Variants in RAB33B observed in about 807,000 individuals in gnomAD.
The protein encoded by RAB33B is ras-related protein Rab-33B.
In RAB33B, 6 loss-of-function variants were observed where a neutral mutation model predicts 15.0. The ratio of observed to expected loss-of-function variants is 0.40; its 90% CI spans 0.22 to 0.79. RAB33B has a LOEUF of 0.79. Ranked by LOEUF, RAB33B falls within the 30% of genes least tolerant of loss-of-function variation. The probability of loss-of-function intolerance (pLI) is 0.37; values close to 1 mark genes in which losing one functional copy is unlikely to be tolerated. For synonymous variants in RAB33B, 117 were observed against 108.3 expected, an observed-to-expected ratio of 1.08 and a Z score of -0.50; for missense variants, 257 against 296.4, an observed-to-expected ratio of 0.87 and a Z score of 0.98.
intron 1 of RAB33B, among the ~76,000 whole-genome samples, chr4:139,466,769 G>A (rs192633138): frequency 1.7e-3 from 252 of 151,680 alleles, no homozygotes; most frequent in African/African-American, 5.0e-3. Flanking sequence ...TGGTAGAGAC[G>A]GGGTTTTGCC....
chr4:139,440,961 A>G, the RAB33B span, among the ~76,000 whole-genome samples: 3 of 152,126 alleles, frequency 2.0e-5, no homozygotes, highest in Non-Finnish European at 2.9e-5. Context: ...TTTGGGTCAC[A>G]ATGCTATAGA....
chr4:139,467,782 C>T (rs1404603297), intron 1 of RAB33B, among the ~76,000 whole-genome samples: 1 of 151,242 alleles, frequency 6.6e-6, no homozygotes, highest in East Asian at 1.9e-4. Flanking sequence ...TCCTTGAGCC[C>T]AGGAGGTTGA....
chr4:139,467,408 T>TTTAAAAAAATTTTTTTAA (rs1750311015), intron 1 of RAB33B, among the ~76,000 whole-genome samples: 1 of 147,900 alleles, frequency 6.8e-6, no homozygotes, highest in African/African-American at 2.5e-5. Flanking sequence ...GAACAACATT[T>TTTAAAAAAATTTTTTTAA]TGATTTTTTT....
intron 1 of RAB33B, among the ~76,000 whole-genome samples, chr4:139,461,762 T>A (rs1750175152): frequency 1.3e-5 from 2 of 152,058 alleles, no homozygotes. Context: ...TATTCTGTAA[T>A]TAAATCCTTT....
At chr4:139,460,827 T>C (rs909247100) in intron 1 of RAB33B, among the ~76,000 whole-genome samples, 3 of 152,194 alleles carry the variant, frequency 2.0e-5, no homozygotes, top group Non-Finnish European at 2.9e-5. Context: ...GTAATATACA[T>C]TTTCACAGAC....
At chr4:139,461,039 G>C (rs957788612) in intron 1 of RAB33B, among the ~76,000 whole-genome samples, 4 of 152,196 alleles carry the variant, frequency 2.6e-5, no homozygotes, top group African/African-American at 9.7e-5. Context: ...TCTTGCTTTG[G>C]AGACTGTGTG....
chr4:139,453,881 A>T, upstream of RAB33B: 2 of 229,310 alleles, frequency 8.7e-6, no homozygotes, highest in East Asian at 9.7e-5. Context: ...GCCTCTCTGC[A>T]GGCTGGCCTT....
chr4:139,470,821 A>G (rs1029959465), intron 1 of RAB33B, among the ~76,000 whole-genome samples: 1 of 151,914 alleles, frequency 6.6e-6, no homozygotes, highest in Non-Finnish European at 1.5e-5. Flanking sequence ...GTATCTAGAA[A>G]TGTCGTCTAG....
At position 139,473,096 on chromosome 4, in the gene RAB33B, A is replaced by G; in HGVS notation, c.660A>G (p.Glu220=). Reference sequence around the variant, plus strand: ...ATAATGGAATTATCCTGAAGCCTGAACCAAAGCCTGCAATGACGTGCTGGT... The same window carrying G: ...ATAATGGAATTATCCTGAAGCCTGAGCCAAAGCCTGCAATGACGTGCTGGT... ...PPDNGIILKP[E]PKPAMTCWC is the part of the protein sequence containing the mutation. The change falls in exon 2 of 2, where the codon GAA becomes GAG. Residue 220 remains glutamate, a synonymous_variant. Transcript: ENST00000305626. The G allele has an allele frequency of 6.2e-7, 1 of 1,607,840 alleles. No homozygotes were observed. The highest frequency in any genetic ancestry group is 2.2e-5 in the East Asian group (1 of 44,780).
In RAB33B at chr4:139,467,308, CTTTTTTTTTTTTTTTTT is replaced by C. The variant is rs70943422; in HGVS notation, c.250-5365_250-5349del. 2.3e-4 allele frequency among the ~76,000 whole-genome samples: 4 copies of C among 17,606 alleles called. No individual in the cohort carries two copies. The East Asian group carries it at 8.9e-3, about 39-fold the overall frequency. The allele number at this position is 17,606 out of a possible 152,430, so 11.6% of individuals were successfully genotyped here. A position where few individuals can be genotyped will look rare whatever the true frequency, so the allele number is the denominator to read the frequency against. On this transcript the variant is annotated intron_variant, in intron 1 of 1. Transcript: ENST00000305626. ...TCTTTCCCCACCACGCCCCCCGCCG[CTTTTTTTTTTTTTTTTT>C]TTTTTTTTTTTTAAGAGACAGGGTT...
the RAB33B span, among the ~76,000 whole-genome samples, chr4:139,439,284 G>C: frequency 2.3e-4 from 35 of 152,198 alleles, no homozygotes; most frequent in African/African-American, 8.4e-4. Flanking sequence ...ACAGGCGTGA[G>C]CCACTGTGCC....
At chr4:139,467,161 G>T (rs1750303521) in intron 1 of RAB33B, among the ~76,000 whole-genome samples, 1 of 150,236 alleles carries the variant, frequency 6.7e-6, no homozygotes, top group South Asian at 2.1e-4. Context: ...TAGAGATGGG[G>T]TTTCACCATG....
At chr4:139,438,697 A>G in the RAB33B span, among the ~76,000 whole-genome samples, 4 of 152,228 alleles carry the variant, frequency 2.6e-5, no homozygotes, top group Non-Finnish European at 5.9e-5. Flanking sequence ...CAAAGTTACA[A>G]TAACACTAGC....
intron 1 of RAB33B, among the ~76,000 whole-genome samples, chr4:139,464,272 C>T (rs189177681): frequency 3.3e-5 from 5 of 151,524 alleles, no homozygotes; most frequent in Non-Finnish European, 7.4e-5. Context: ...AGTGAGACCC[C>T]GTCTCAAAAA....
chr4:139,441,614 A>G, the RAB33B span, among the ~76,000 whole-genome samples: 48 of 152,368 alleles, frequency 3.2e-4, no homozygotes, highest in South Asian at 3.5e-3. Context: ...AGATAAATCC[A>G]TCACAAGCTG....
In RAB33B at chr4:139,457,838, A is replaced by T. The variant is rs61382543; in HGVS notation, c.249+3394A>T. Among the ~76,000 whole-genome samples, 798 of 152,318 alleles carry T rather than the reference A, an allele frequency of 5.2e-3. 6 individuals are homozygous for T. The highest frequency in any genetic ancestry group is 0.017 in the African/African-American group (688 of 41,586). On this transcript the variant is annotated intron_variant, in intron 1 of 1. Coordinates refer to ENST00000305626, the MANE Select transcript of RAB33B (RefSeq NM_031296.3). ...GAAATTCAAAATTCACCTAGGTTGT[A>T]CTACTTTAATCCTTCTTATCCTTGT...
At chr4:139,466,961 CT>C (rs35504904) in intron 1 of RAB33B, among the ~76,000 whole-genome samples, 8,584 of 68,204 alleles carry the variant, frequency 0.13, 144 homozygotes, top group East Asian at 0.27. Context: ...GAAGCACAAA[CT>C]TTTTTTTTTT....
At chr4:139,441,068 C>T in the RAB33B span, among the ~76,000 whole-genome samples, 10 of 152,304 alleles carry the variant, frequency 6.6e-5, no homozygotes, top group African/African-American at 2.4e-4. Flanking sequence ...GGCTAAGTGT[C>T]GGCTATTCTA....
At position 139,474,602 on chromosome 4, in the gene RAB33B, A is replaced by G. The variant is rs1484368600; in HGVS notation, c.*1476A>G. The G allele has an allele frequency of 8.5e-5, 13 of 152,670 alleles. No homozygotes were observed. Among genetic ancestry groups the G allele is most frequent in the Non-Finnish European group, 1.5e-5 (1 of 68,040 alleles). The allele number at this position is 152,670 out of a possible 1,614,324, so 9.5% of individuals were successfully genotyped here. A position where few individuals can be genotyped will look rare whatever the true frequency, so the allele number is the denominator to read the frequency against. ...TCATATCAATTTTTAAGATGTCTAA[A>G]TTTTATGGTCACAAGTTATCCCTCC... On this transcript the variant is annotated 3_prime_UTR_variant, in exon 2 of 2. Coordinates refer to ENST00000305626, the MANE Select transcript of RAB33B (RefSeq NM_031296.3).
Sources: allele counts gnomAD v4.1 joint callset (sites outside exome capture counted in the v4.1 genomes callset), GRCh38; gene constraint gnomAD v4.1.1; transcripts MANE v1.5; gene names NCBI Gene and HGNC (gene_info 2026-07-23, HGNC 2026-07-21).